Variants in CRACDL observed in about 807,000 individuals in gnomAD.
The protein encoded by CRACDL is CRACD like.
A neutral mutation model predicts 70.6 loss-of-function variants in CRACDL; 26 were observed. The observed-to-expected ratio is 0.37, with a 90% CI of 0.27 to 0.51. CRACDL has a LOEUF of 0.51. CRACDL is among the 20% of genes least tolerant of loss of function. CRACDL has a pLI of 0.94. For missense variants in CRACDL, 1,283 were observed against 1,376.9 expected (o/e 0.93, Z 1.08); for synonymous variants, 618 against 615.2 (o/e 1.00, Z -0.07).
chr2:98,869,408 G>T lies in CRACDL; in HGVS notation c.-10-22598C>A, dbSNP rs1383001098. ...AATGCACTTCCGCCTTCCACTCCAA[G>T]CCCTGAAGGCCGGGATGGGGGTGGC... On this transcript the variant is annotated intron_variant, in intron 1 of 9. Transcript: ENST00000397899. 8.7e-6 allele frequency: 5 copies of T among 573,930 alleles called. No individual in the cohort carries two copies. In the South Asian group the frequency reaches 9.1e-5, roughly 10 times the overall value. The allele number at this position is 573,930 out of a possible 1,614,324, so 35.6% of individuals were successfully genotyped here.
At chr2:98,818,055 G>A (rs370314049) in intron 7 of CRACDL, among the ~76,000 whole-genome samples, 7 of 151,956 alleles carry the variant, frequency 4.6e-5, no homozygotes, top group South Asian at 2.1e-4. Context: ...CTAATCCTGC[G>A]TGCAGAAGCT....
In CRACDL at chr2:98,905,269, G is replaced by A. The variant is rs1015885290; in HGVS notation, c.-11+30669C>T. Among the ~76,000 whole-genome samples the A allele has an allele frequency of 1.3e-4, 19 of 144,414 alleles. No homozygotes were observed. In the South Asian group the frequency reaches 2.4e-3, roughly 18 times the overall value. The allele number at this position is 144,414 out of a possible 152,430, so 94.7% of individuals were successfully genotyped here. On this transcript the variant is annotated intron_variant, in intron 1 of 9. Transcript: ENST00000397899. ...TGTCTCAAAAAAAAAAAAAAAAAGA[G>A]AGGCTGGGCCCTCATCTCCCTCTCT...
chr2:98,914,167 G>A (rs1053878391), intron 1 of CRACDL, among the ~76,000 whole-genome samples: 6 of 152,232 alleles, frequency 3.9e-5, no homozygotes, highest in Admixed American at 6.5e-5. Flanking sequence ...GGGGGAGGAG[G>A]CAGGAGCCCC....
At chr2:98,838,095 C>G (rs377549237) in intron 3 of CRACDL, 24 bp downstream of exon 3, 4 of 1,582,844 alleles carry the variant, frequency 2.5e-6, no homozygotes, top group Non-Finnish European at 3.4e-6. Flanking sequence ...GCTCCTGGCC[C>G]GAGGGATGTA....
chr2:98,798,587 A>G (rs1311992293), intron 7 of CRACDL, among the ~76,000 whole-genome samples: 2 of 150,016 alleles, frequency 1.3e-5, no homozygotes, highest in African/African-American at 4.9e-5. Flanking sequence ...CTCCTCTTAC[A>G]TTTCAGCTCT....
chr2:98,815,042 C>T (rs1340126415), intron 7 of CRACDL, among the ~76,000 whole-genome samples: 4 of 151,892 alleles, frequency 2.6e-5, no homozygotes, highest in Non-Finnish European at 4.4e-5. Context: ...TTTATAGCTT[C>T]TATTTTTTTT....
At chr2:98,919,728 A>G (rs1245573008) in intron 1 of CRACDL, among the ~76,000 whole-genome samples, 1 of 152,178 alleles carries the variant, frequency 6.6e-6, no homozygotes, top group East Asian at 1.9e-4. Context: ...TTTCCATCAC[A>G]ATACCAAACT....
chr2:98,823,190 G>A lies in CRACDL; in HGVS notation c.1083C>T (p.Pro361=). The change falls in exon 7 of 10, where the codon CCC becomes CCT. Residue 361 remains proline, a synonymous_variant. Coordinates refer to ENST00000397899, the MANE Select transcript of CRACDL (RefSeq NM_207362.3). The surrounding 1 kb of genome is among the most constrained non-coding windows in gnomAD (Gnocchi z 4.0). ...TTCCGCCGTCGGGACCGGGATTCGGGGGGCCCTCCGGCGGGGACGGGGGCT... is the reference window on the plus strand; with the variant it reads ...TTCCGCCGTCGGGACCGGGATTCGGAGGGCCCTCCGGCGGGGACGGGGGCT... ...RVEPPSPPEG[P]PNPGPDGGKQ... is the part of the protein sequence containing the mutation. 3 of 1,475,872 alleles carry A rather than the reference G, an allele frequency of 2.0e-6. No individual in the cohort carries two copies. Among genetic ancestry groups the A allele is most frequent in the Non-Finnish European group, 2.7e-6 (3 of 1,114,414 alleles). 91.4% of individuals were successfully genotyped at this position (1,475,872 alleles called of 1,614,324 possible).
chr2:98,921,899 G>C (rs4311103), intron 1 of CRACDL, among the ~76,000 whole-genome samples: 66,304 of 151,892 alleles, frequency 0.44, 15,235 homozygotes, highest in Admixed American at 0.58. Flanking sequence ...CTCCCACCCA[G>C]GGCAACATTA....
In CRACDL at chr2:98,798,968, G is replaced by C. The variant is rs533283977; in HGVS notation, c.2417-1431C>G. 5.4e-4 allele frequency among the ~76,000 whole-genome samples: 82 copies of C among 152,254 alleles called. 1 individual carries two copies. Among genetic ancestry groups the C allele is most frequent in the African/African-American group, 2.0e-3 (82 of 41,544 alleles). On this transcript the variant is annotated intron_variant, in intron 7 of 9. Transcript: ENST00000397899. ...CAAAGTGCTGCAATTACAGGCGTGA[G>C]CCACCTCCCCTGGCCAATAAGTGGC...
chr2:98,872,984 A>G (rs1271683895), intron 1 of CRACDL, among the ~76,000 whole-genome samples: 3 of 152,200 alleles, frequency 2.0e-5, no homozygotes, highest in African/African-American at 7.2e-5. Context: ...AGAAGCTCCA[A>G]TAGTTTCTTT....
At chr2:98,908,868 A>G (rs1708478698) in intron 1 of CRACDL, among the ~76,000 whole-genome samples, 2 of 152,130 alleles carry the variant, frequency 1.3e-5, no homozygotes, top group Admixed American at 6.5e-5. Flanking sequence ...TTCATACCTC[A>G]TCTGTTTTCT....
At chr2:98,804,434 C>T (rs543298749) in intron 7 of CRACDL, among the ~76,000 whole-genome samples, 4 of 152,220 alleles carry the variant, frequency 2.6e-5, no homozygotes, top group African/African-American at 7.2e-5. Context: ...TTTGCAAACA[C>T]GTGCAGGGCA....
rs1474074021 is a variant in CRACDL at position 98,832,879 on chromosome 2, G to A, written c.358C>T (p.Arg120Trp). 5 of 1,614,070 alleles carry A rather than the reference G, an allele frequency of 3.1e-6. No individual in the cohort carries two copies. The highest frequency in any genetic ancestry group is 4.2e-6 in the Non-Finnish European group (5 of 1,180,000). Residue 120 changes from arginine to tryptophan, a missense_variant, in exon 4 of 10, where the codon CGG becomes TGG. Physicochemically the swap from Arg to Trp is moderately radical, Grantham distance 101 (BLOSUM62 -3). Transcript: ENST00000397899. Reference protein sequence around the residue: ...RVFSQENVCDRIKALQLKIQC... With the variant: ...RVFSQENVCDWIKALQLKIQC... Reference sequence around the variant, plus strand: ...ACATTTACCTGCAGAGCTTTAATCCGATCACACACATTTTCTTGGGAAAAC... The same window carrying A: ...ACATTTACCTGCAGAGCTTTAATCCAATCACACACATTTTCTTGGGAAAAC...
At chr2:98,907,935 G>T (rs1282856701) in intron 1 of CRACDL, among the ~76,000 whole-genome samples, 1 of 152,220 alleles carries the variant, frequency 6.6e-6, no homozygotes, top group Admixed American at 6.5e-5. Context: ...TCTTGAAGCA[G>T]AAAACCTAAT....
At chr2:98,874,047 A>T (rs970568712) in intron 1 of CRACDL, among the ~76,000 whole-genome samples, 3 of 152,334 alleles carry the variant, frequency 2.0e-5, no homozygotes, top group African/African-American at 7.2e-5. Flanking sequence ...CAAGTTTGCT[A>T]CTGGTAAGTT....
chr2:98,895,361 G>C (rs191818293), intron 1 of CRACDL, among the ~76,000 whole-genome samples: 1 of 152,192 alleles, frequency 6.6e-6, no homozygotes, highest in African/African-American at 2.4e-5. Context: ...CAGGAAGGAC[G>C]GACGCTCAGC....
chr2:98,833,114 C>G, intron 3 of CRACDL, 117 bp from the exon 4 acceptor site: 1 of 932,784 alleles, frequency 1.1e-6, no homozygotes, highest in Non-Finnish European at 1.6e-6. Context: ...ACTCCCTCTG[C>G]TGCATTTACA....
chr2:98,911,148 AC>A (rs2104675334), intron 1 of CRACDL, among the ~76,000 whole-genome samples: 1 of 152,234 alleles, frequency 6.6e-6, no homozygotes, highest in South Asian at 2.1e-4. Context: ...TCACAGGCAC[AC>A]CCCTCTTCTG....
Sources: gnomAD v4.1 joint callset for allele counts (sites outside exome capture counted in the v4.1 genomes callset) on GRCh38, gnomAD v4.1.1 for gene constraint, Gnocchi (gnomAD v3.1) non-coding constraint, MANE v1.5 for transcripts, NCBI Gene and HGNC (gene_info 2026-07-23, HGNC 2026-07-21) for gene names.